Variants in ATAD1 observed in about 807,000 individuals in gnomAD.
ATAD1 encodes outer mitochondrial transmembrane helix translocase.
Under a neutral mutation model 42.7 loss-of-function variants are expected in ATAD1, and 18 were observed. The ratio of observed to expected loss-of-function variants is 0.42; its 90% CI spans 0.29 to 0.63. The LOEUF is 0.63. ATAD1 is among the 20% of genes least tolerant of loss of function. ATAD1 has a pLI of 0.19. For missense variants in ATAD1, 294 were observed against 440.4 expected, an observed-to-expected ratio of 0.67 and a Z score of 2.98; for synonymous variants, 132 against 143.1, an observed-to-expected ratio of 0.92 and a Z score of 0.55.
intron 1 of ATAD1, among the ~76,000 whole-genome samples, chr10:87,829,617 A>G (rs1857793561): frequency 6.6e-6 from 1 of 152,234 alleles, no homozygotes; most frequent in Non-Finnish European, 1.5e-5. Context: ...AAATATTAAC[A>G]TTAACAAGTG....
intron 5 of ATAD1, among the ~76,000 whole-genome samples, chr10:87,778,806 A>G (rs1285099408): frequency 6.6e-6 from 1 of 152,152 alleles, no homozygotes; most frequent in African/African-American, 2.4e-5. Context: ...ATGGTGCTGG[A>G]GCAATTGGAC....
At chr10:87,826,939 C>G (rs1264136536) in intron 1 of ATAD1, among the ~76,000 whole-genome samples, 1 of 148,032 alleles carries the variant, frequency 6.8e-6, no homozygotes, top group East Asian at 1.9e-4. Context: ...CTAAAAGTCT[C>G]TCTAGTGTTA....
chr10:87,781,017 A>T (rs182118253), intron 5 of ATAD1, among the ~76,000 whole-genome samples: 1 of 152,314 alleles, frequency 6.6e-6, no homozygotes, highest in East Asian at 1.9e-4. Context: ...GGGAACACAC[A>T]AACTGAGAAA....
At chr10:87,793,830 GCTGT>G (rs1417360663) in intron 2 of ATAD1, among the ~76,000 whole-genome samples, 2 of 152,170 alleles carry the variant, frequency 1.3e-5, no homozygotes, top group East Asian at 3.9e-4. Context: ...ATAGAATCTT[GCTGT>G]CTATCCAGGG....
chr10:87,814,292 G>C, intron 2 of ATAD1, 146 bp downstream of exon 2: 4 of 596,356 alleles, frequency 6.7e-6, no homozygotes, highest in Non-Finnish European at 1.0e-5. Flanking sequence ...TACTTTGTAA[G>C]AGTAATAAAA....
intron 1 of ATAD1, among the ~76,000 whole-genome samples, chr10:87,827,588 T>C (rs1017843178): frequency 6.6e-6 from 1 of 152,194 alleles, no homozygotes; most frequent in Non-Finnish European, 1.5e-5. Context: ...AGTGGATCTT[T>C]GATGTTACTA....
intron 2 of ATAD1, among the ~76,000 whole-genome samples, chr10:87,796,759 G>A (rs1024539466): frequency 6.6e-6 from 1 of 152,096 alleles, no homozygotes; most frequent in Non-Finnish European, 1.5e-5. Context: ...ATATCCTATC[G>A]GAGCTTGACA....
At chr10:87,760,671 G>A (rs576780386) in intron 8 of ATAD1, among the ~76,000 whole-genome samples, 18 of 152,276 alleles carry the variant, frequency 1.2e-4, no homozygotes, top group African/African-American at 3.9e-4. Flanking sequence ...CAAGGCTGCA[G>A]TGAGCTAGGA....
chr10:87,773,072 G>T (rs1002944292), intron 6 of ATAD1, among the ~76,000 whole-genome samples: 2 of 152,008 alleles, frequency 1.3e-5, no homozygotes, highest in African/African-American at 4.8e-5. Context: ...CTTAATACCT[G>T]GGTATGAAAT....
At chr10:87,791,847 T>C (rs908046263) in intron 3 of ATAD1, among the ~76,000 whole-genome samples, 5 of 152,220 alleles carry the variant, frequency 3.3e-5, no homozygotes, top group Admixed American at 2.6e-4. Flanking sequence ...GTAGGTATTA[T>C]TATCTCTAGA....
Position 87,790,320 on chromosome 10 carries a change from C to G in ATAD1, c.372G>C (p.Gln124His). 2 of 1,612,276 alleles carry G rather than the reference C, an allele frequency of 1.2e-6. No homozygotes were observed. The highest frequency in any genetic ancestry group is 2.2e-5 in the South Asian group (2 of 90,700). ...ATACCTTTACCATACCTTTTGGAGGCTGCAGAAGCCTGGAATTCTCAAACA... is the reference window on the plus strand; with the variant it reads ...ATACCTTTACCATACCTTTTGGAGGGTGCAGAAGCCTGGAATTCTCAAACA... Reference protein sequence around the residue: ...KHLFENSRLLQPPKGVLLYGP... With the variant: ...KHLFENSRLLHPPKGVLLYGP... Residue 124 changes from glutamine to histidine, a missense_variant, in exon 4 of 10, where the codon CAG becomes CAC. Gln to His is a conservative substitution (Grantham distance 24). Coordinates refer to ENST00000680024, the MANE Select transcript of ATAD1 (RefSeq NM_001321967.2).
intron 2 of ATAD1, 57 bp from the exon 3 acceptor site, chr10:87,792,812 C>A: frequency 3.2e-6 from 4 of 1,265,410 alleles, no homozygotes; most frequent in Non-Finnish European, 4.6e-6. Context: ...ACTGGCACTT[C>A]GAAATAGATA....
intron 2 of ATAD1, among the ~76,000 whole-genome samples, chr10:87,793,984 G>C (rs1856255741): frequency 6.6e-6 from 1 of 151,824 alleles, no homozygotes; most frequent in Admixed American, 6.6e-5. Flanking sequence ...CAGCACTTTG[G>C]AAGGCTGAGT....
chr10:87,789,653 C>A (rs140113208), intron 4 of ATAD1, among the ~76,000 whole-genome samples: 1,993 of 151,906 alleles, frequency 0.013, 40 homozygotes, highest in African/African-American at 0.044. Flanking sequence ...GCCTGGGAGG[C>A]GGAAGTTGCA....
At chr10:87,771,137 T>C in intron 6 of ATAD1, 96 bp from the exon 7 acceptor site, 1 of 814,558 alleles carries the variant, frequency 1.2e-6, no homozygotes, top group South Asian at 2.0e-5. Flanking sequence ...TTAAGTGGTA[T>C]TTTAACTAAA....
In ATAD1 at chr10:87,757,287, AC is replaced by A. The variant is rs66704192; in HGVS notation, c.832-366del. Among the ~76,000 whole-genome samples the A allele has an allele frequency of 9.2e-3, 1,387 of 150,426 alleles. 42 individuals carry two copies. Among genetic ancestry groups the A allele is most frequent in the South Asian group, 0.075 (355 of 4,710 alleles). On this transcript the variant is annotated intron_variant, in intron 8 of 9. Coordinates refer to ENST00000680024, the MANE Select transcript of ATAD1 (RefSeq NM_001321967.2). Reference sequence around the variant, plus strand: ...AAGAGTCCATTACAAAAAAAAAAAAACAAAACACTCAACATTCCTTTTAATT... The same window carrying A: ...AAGAGTCCATTACAAAAAAAAAAAAAAAAACACTCAACATTCCTTTTAATT...
chr10:87,839,751 C>G (rs1399248779), intron 1 of ATAD1, among the ~76,000 whole-genome samples: 4 of 151,920 alleles, frequency 2.6e-5, no homozygotes, highest in Admixed American at 2.0e-4. Flanking sequence ...TCCATTCCCT[C>G]TTCTTTTTCT....
chr10:87,763,759 A>G (rs903784505), intron 8 of ATAD1, among the ~76,000 whole-genome samples: 4 of 152,098 alleles, frequency 2.6e-5, no homozygotes, highest in African/African-American at 9.7e-5. Context: ...CTGCTTGATA[A>G]GATATCTGAT....
intron 8 of ATAD1, chr10:87,759,662 G>C (rs1327746837): frequency 1.0e-5 from 4 of 395,272 alleles, no homozygotes; most frequent in Admixed American, 6.3e-5. Flanking sequence ...GAAGATTCCA[G>C]TCACTGGGGG....
Sources: gnomAD v4.1 joint callset for allele counts (sites outside exome capture counted in the v4.1 genomes callset) on GRCh38, gnomAD v4.1.1 for gene constraint, MANE v1.5 for transcripts, NCBI Gene and HGNC (gene_info 2026-07-23, HGNC 2026-07-21) for gene names.